Variants in AGBL1 observed in about 807,000 individuals in gnomAD.
AGBL1 encodes AGBL carboxypeptidase 1, also known as cytosolic carboxypeptidase 4.
AGBL1 carries 130 observed loss-of-function variants against 118.9 expected under a neutral mutation model. The observed-to-expected ratio is 1.09, with a 90% CI of 0.95 to 1.26. The LOEUF is 1.26. AGBL1 is among the 50% of genes most tolerant of loss of function. The probability of loss-of-function intolerance (pLI) is 0.00; values close to 1 mark genes in which losing one functional copy is unlikely to be tolerated. For missense variants in AGBL1, 1,584 were observed against 1,298.1 expected (o/e 1.22, Z -3.38); for synonymous variants, 555 against 478.9 (o/e 1.16, Z -2.08).
intron 17 of AGBL1, among the ~76,000 whole-genome samples, chr15:86,320,621 T>TTCAGAACA (rs2080090874): frequency 6.6e-6 from 1 of 152,150 alleles, no homozygotes; most frequent in Admixed American, 6.5e-5. Context: ...ATGCTTATTA[T>TTCAGAACA]ATGCGGTGAT....
At chr15:86,298,602 G>A (rs1048598930) in intron 17 of AGBL1, among the ~76,000 whole-genome samples, 29 of 151,912 alleles carry the variant, frequency 1.9e-4, no homozygotes, top group African/African-American at 6.8e-4. Context: ...CTGCCTCCAG[G>A]CCTCCCTTCA....
At chr15:86,723,172 A>G (rs575311118) in intron 22 of AGBL1, among the ~76,000 whole-genome samples, 1 of 152,366 alleles carries the variant, frequency 6.6e-6, no homozygotes, top group South Asian at 2.1e-4. Context: ...CCAAAGGATT[A>G]TAAATCATGC....
At chr15:86,685,506 G>T (rs907315358) in intron 22 of AGBL1, among the ~76,000 whole-genome samples, 2 of 152,130 alleles carry the variant, frequency 1.3e-5, no homozygotes, top group African/African-American at 2.4e-5. Context: ...AATCAGAAAA[G>T]CTGACTAGCT....
chr15:86,210,684 T>C (rs2078077641), intron 5 of AGBL1, among the ~76,000 whole-genome samples: 1 of 152,240 alleles, frequency 6.6e-6, no homozygotes, highest in Non-Finnish European at 1.5e-5. Context: ...TGAGGTTTTC[T>C]CTACACTGTT....
chr15:86,171,855 T>G (rs1194389136), intron 5 of AGBL1, among the ~76,000 whole-genome samples: 1 of 152,196 alleles, frequency 6.6e-6, no homozygotes, highest in African/African-American at 2.4e-5. Context: ...GGATACCACT[T>G]AGCCATAAAA....
chr15:86,247,579 T>G lies in AGBL1; in HGVS notation c.527-92T>G, dbSNP rs538933292. On this transcript the variant is annotated intron_variant, in intron 6 of 22. Transcript: ENST00000614907. ...ATGTTATTATTCCCTTGATGATTAA[T>G]AAGTATCTTGTGGGAAATACACTGG... The G allele has an allele frequency of 3.9e-6, 5 of 1,267,988 alleles. No homozygotes were observed. In the South Asian group the frequency reaches 6.4e-5, roughly 16 times the overall value. The allele number at this position is 1,267,988 out of a possible 1,614,324, so 78.5% of individuals were successfully genotyped here.
chr15:86,806,889 C>A (rs544086115), intron 22 of AGBL1, among the ~76,000 whole-genome samples: 2 of 151,682 alleles, frequency 1.3e-5, no homozygotes, highest in African/African-American at 4.8e-5. Flanking sequence ...ATATACAATA[C>A]GTGATATACC....
chr15:86,690,929 C>T (rs1267986178), intron 22 of AGBL1, among the ~76,000 whole-genome samples: 2 of 152,040 alleles, frequency 1.3e-5, no homozygotes, highest in Non-Finnish European at 2.9e-5. Flanking sequence ...TTCTATTGTT[C>T]ATAATTGTAT....
chr15:86,588,371 A>G lies in AGBL1; in HGVS notation c.2994+33834A>G, dbSNP rs371389321. 1.2e-4 allele frequency among the ~76,000 whole-genome samples: 19 copies of G among 152,256 alleles called. No individual in the cohort carries two copies. The South Asian group carries it at 2.1e-3, about 17-fold the overall frequency. ...GACTGAGAGGATTCAGCCAGTAGTA[A>G]TTCTACTGTCCTAAACAACGAGATA... On this transcript the variant is annotated intron_variant, in intron 21 of 22. Coordinates refer to ENST00000614907, the MANE Select transcript of AGBL1 (RefSeq NM_001386094.1).
chr15:86,124,205 C>T (rs1057244935), intron 1 of AGBL1, among the ~76,000 whole-genome samples: 7 of 151,818 alleles, frequency 4.6e-5, no homozygotes, highest in African/African-American at 1.7e-4. Context: ...TGGCAGGTGC[C>T]TGTAGTCCCA....
rs72757826 is a variant in AGBL1, at chr15:86,504,092, A to G, written c.2556-18718A>G. On this transcript the variant is annotated intron_variant, in intron 18 of 22. Coordinates refer to ENST00000614907, the MANE Select transcript of AGBL1 (RefSeq NM_001386094.1). ...TCTTTTAGTTATTCCTTCATGTATG[A>G]TGGTGCTTTGTTATTAGTTGTGCAC... is the stretch of plus-strand genomic sequence containing the variant. Among the ~76,000 whole-genome samples, 406 of 151,708 alleles carry G rather than the reference A, an allele frequency of 2.7e-3. 3 individuals carry two copies. Among genetic ancestry groups the G allele is most frequent in the Middle Eastern group, 6.8e-3 (2 of 294 alleles).
intron 18 of AGBL1, among the ~76,000 whole-genome samples, chr15:86,452,085 G>A (rs538954462): frequency 1.3e-4 from 20 of 152,150 alleles, no homozygotes; most frequent in East Asian, 5.8e-4. Flanking sequence ...AGCTTTGCCC[G>A]GACACATTAT....
Position 86,722,522 on chromosome 15 carries a change from A to C in AGBL1, c.3158+48086A>C, listed in dbSNP as rs530846509. On this transcript the variant is annotated intron_variant, in intron 22 of 22. Transcript: ENST00000614907. Reference sequence around the variant, plus strand: ...AAAATTAATTCAAGATGGATTAAAGACTTAAATGTTAGACCTAAAACCATA... The same window carrying C: ...AAAATTAATTCAAGATGGATTAAAGCCTTAAATGTTAGACCTAAAACCATA... 1.1e-3 allele frequency among the ~76,000 whole-genome samples: 166 copies of C among 152,334 alleles called. 1 individual carries two copies. Among genetic ancestry groups the C allele is most frequent in the South Asian group, 9.1e-3 (44 of 4,826 alleles).
chr15:86,391,236 TAAA>T (rs918463914), intron 17 of AGBL1, among the ~76,000 whole-genome samples: 2 of 151,944 alleles, frequency 1.3e-5, no homozygotes, highest in African/African-American at 4.8e-5. Context: ...ATAAAACTAA[TAAA>T]AAAGATAGAA....
intron 21 of AGBL1, among the ~76,000 whole-genome samples, chr15:86,609,844 C>G (rs954285692): frequency 2.0e-5 from 3 of 152,154 alleles, no homozygotes; most frequent in African/African-American, 7.2e-5. Context: ...AGATTTCCCT[C>G]GACTACTTAT....
intron 22 of AGBL1, among the ~76,000 whole-genome samples, chr15:86,748,036 T>G (rs1567154013): frequency 6.6e-6 from 1 of 152,184 alleles, no homozygotes; most frequent in Non-Finnish European, 1.5e-5. Flanking sequence ...TAGTTCTAGA[T>G]CCTTGAGGAA....
chr15:86,339,441 C>T (rs1345269483), intron 17 of AGBL1, among the ~76,000 whole-genome samples: 1 of 152,056 alleles, frequency 6.6e-6, no homozygotes, highest in East Asian at 1.9e-4. Flanking sequence ...TTGGCTCCAC[C>T]ATCTTTCTCC....
chr15:86,536,070 A>C lies in AGBL1; in HGVS notation c.2686-9932A>C, dbSNP rs1293934256. Among the ~76,000 whole-genome samples the C allele has an allele frequency of 2.0e-5, 3 of 152,152 alleles. No homozygotes were observed. In the East Asian group the frequency reaches 5.8e-4, roughly 29 times the overall value. The stretch of plus-strand genomic sequence containing the variant: ...ATTAAAAATATTTCAGTTTGCTTCC[A>C]TATTCTTTTATTTGGAATTGTTCCC... On this transcript the variant is annotated intron_variant, in intron 19 of 22. Transcript: ENST00000614907.
intron 23 of AGBL1, among the ~76,000 whole-genome samples, chr15:86,981,960 C>T (rs1423006603): frequency 1.8e-4 from 27 of 152,114 alleles, no homozygotes. Flanking sequence ...GTTTTGCTTC[C>T]TATAATTACT....
Sources: gnomAD v4.1 joint callset for allele counts (sites outside exome capture counted in the v4.1 genomes callset) on GRCh38, gnomAD v4.1.1 for gene constraint, MANE v1.5 for transcripts, NCBI Gene and HGNC (gene_info 2026-07-23, HGNC 2026-07-21) for gene names.